DPP10: variants seen among roughly 807,000 people sequenced by gnomAD.
The protein encoded by DPP10 is inactive dipeptidyl peptidase 10.
In DPP10, 33 loss-of-function variants were observed where a neutral mutation model predicts 120.9. That is an observed-to-expected ratio of 0.27 (90% CI 0.21 to 0.37). The LOEUF (loss-of-function observed/expected upper bound fraction) is 0.37. DPP10 is among the 10% of genes least tolerant of loss of function. The pLI is 1.00. For missense variants in DPP10, 816 were observed against 942.8 expected, an observed-to-expected ratio of 0.87 and a Z score of 1.76; for synonymous variants, 337 against 326.1, an observed-to-expected ratio of 1.03 and a Z score of -0.36.
chr2:115,323,676 G>A, intron 2 of DPP10, among the ~76,000 whole-genome samples: 1 of 152,154 alleles, frequency 6.6e-6, no homozygotes. Flanking sequence ...CTGCAGAATG[G>A]ATGTTGTGTT....
intron 5 of DPP10, among the ~76,000 whole-genome samples, chr2:115,600,090 G>A (rs1285323926): frequency 6.6e-6 from 1 of 151,914 alleles, no homozygotes; most frequent in African/African-American, 2.4e-5. Flanking sequence ...TTTTTGATGA[G>A]AAGTCATTTT....
At chr2:114,699,348 C>T (rs914166605) in intron 1 of DPP10, among the ~76,000 whole-genome samples, 6 of 151,920 alleles carry the variant, frequency 3.9e-5, no homozygotes, top group African/African-American at 1.4e-4. Flanking sequence ...AGCACAAGAA[C>T]ATATTTTGAT....
chr2:115,731,407 T>C (rs1020544447), intron 8 of DPP10, among the ~76,000 whole-genome samples: 2 of 150,686 alleles, frequency 1.3e-5, no homozygotes, highest in South Asian at 4.2e-4. Context: ...CATACCTGTG[T>C]TCCCCCCTAC....
chr2:115,369,490 C>T (rs1559494402), intron 3 of DPP10, among the ~76,000 whole-genome samples: 2 of 152,096 alleles, frequency 1.3e-5, no homozygotes, highest in South Asian at 2.1e-4. Context: ...TGTGCCACAC[C>T]TATATTCAGT....
chr2:114,686,069 G>A (rs554068650), intron 1 of DPP10, among the ~76,000 whole-genome samples: 1 of 151,908 alleles, frequency 6.6e-6, no homozygotes, highest in African/African-American at 2.4e-5. Context: ...CTTCTGACCT[G>A]GAACACATGC....
intron 1 of DPP10, among the ~76,000 whole-genome samples, chr2:114,816,495 A>G (rs1057145364): frequency 4.6e-5 from 7 of 152,152 alleles, no homozygotes; most frequent in Admixed American, 6.5e-5. Flanking sequence ...GATCATTTTA[A>G]TCTCAGATCA....
intron 3 of DPP10, among the ~76,000 whole-genome samples, chr2:115,452,992 ATTATTTATTT>A (rs1474824819): frequency 2.4e-4 from 36 of 151,786 alleles, no homozygotes; most frequent in African/African-American, 8.2e-4. Flanking sequence ...ATGAGCTTGG[ATTATTTATTT>A]TAAAATCCAT....
chr2:115,437,044 G>A (rs923577174), intron 3 of DPP10, among the ~76,000 whole-genome samples: 3 of 151,914 alleles, frequency 2.0e-5, no homozygotes, highest in Admixed American at 6.6e-5. Flanking sequence ...ACTATGTGAC[G>A]TTAAATCAGT....
chr2:115,513,091 T>A (rs577384491), intron 4 of DPP10, among the ~76,000 whole-genome samples: 1 of 152,164 alleles, frequency 6.6e-6, no homozygotes, highest in East Asian at 1.9e-4. Context: ...TATAATTGTT[T>A]TATTTTTCTG....
At chr2:115,392,910 C>G (rs2067418499) in intron 3 of DPP10, among the ~76,000 whole-genome samples, 1 of 151,978 alleles carries the variant, frequency 6.6e-6, no homozygotes, top group African/African-American at 2.4e-5. Context: ...TCAAAATAGT[C>G]ATATTATTTT....
intron 21 of DPP10, among the ~76,000 whole-genome samples, chr2:115,824,287 C>T (rs1054325141): frequency 2.6e-5 from 4 of 152,142 alleles, no homozygotes; most frequent in Non-Finnish European, 5.9e-5. Context: ...CTGTGAGGCA[C>T]GTTCTTTTTT....
In DPP10 at chr2:114,745,378, C is replaced by T. The variant is rs551224043; in HGVS notation, c.60+302540C>T. On this transcript the variant is annotated intron_variant, in intron 1 of 25. Coordinates refer to ENST00000410059, the MANE Select transcript of DPP10 (RefSeq NM_020868.6). ...GATTTTGTTTATTTAATCTATCAAA[C>T]ATATGCAATGATAGATTTTGTTGTA... Among the ~76,000 whole-genome samples, 9 of 152,214 alleles carry T rather than the reference C, an allele frequency of 5.9e-5. No individual in the cohort carries two copies. The South Asian group carries it at 1.9e-3, about 32-fold the overall frequency.
chr2:115,118,746 ATTGT>A (rs1225724776), intron 1 of DPP10, among the ~76,000 whole-genome samples: 2 of 107,904 alleles, frequency 1.9e-5, no homozygotes, highest in African/African-American at 4.3e-5. Flanking sequence ...CACACAGCTA[ATTGT>A]GTGTGTGTGT....
At chr2:114,632,125 C>CT (rs1694970186) in intron 1 of DPP10, among the ~76,000 whole-genome samples, 1 of 152,020 alleles carries the variant, frequency 6.6e-6, no homozygotes, top group Admixed American at 6.6e-5. Flanking sequence ...TTTTCTCTGT[C>CT]TTTTTTGCAA....
At chr2:114,582,351 T>A (rs1392209642) in intron 1 of DPP10, among the ~76,000 whole-genome samples, 2 of 152,244 alleles carry the variant, frequency 1.3e-5, no homozygotes, top group Non-Finnish European at 2.9e-5. Flanking sequence ...CTGAAGGATA[T>A]GTTGGTTGCT....
At chr2:115,808,939 A>G (rs1686326888) in intron 19 of DPP10, among the ~76,000 whole-genome samples, 1 of 152,214 alleles carries the variant, frequency 6.6e-6, no homozygotes, top group South Asian at 2.1e-4. Context: ...CCTTGATCGA[A>G]TCAACTGCTT....
intron 1 of DPP10, among the ~76,000 whole-genome samples, chr2:115,109,334 G>A (rs1206309837): frequency 2.6e-5 from 4 of 152,000 alleles, no homozygotes; most frequent in African/African-American, 4.8e-5. Context: ...TCAGGAGATC[G>A]AGACCATCCT....
At chr2:115,645,029 T>G (rs2087117197) in intron 5 of DPP10, among the ~76,000 whole-genome samples, 1 of 152,186 alleles carries the variant, frequency 6.6e-6, no homozygotes, top group Non-Finnish European at 1.5e-5. Flanking sequence ...GTGAACTGTA[T>G]AGGAACTTGC....
chr2:115,088,189 T>C (rs1708885777), intron 1 of DPP10, among the ~76,000 whole-genome samples: 1 of 152,150 alleles, frequency 6.6e-6, no homozygotes, highest in South Asian at 2.1e-4. Flanking sequence ...AATCACCTCC[T>C]AAAGGCCTTG....
Sources: gnomAD v4.1 joint callset for allele counts (sites outside exome capture counted in the v4.1 genomes callset) on GRCh38, gnomAD v4.1.1 for gene constraint, MANE v1.5 for transcripts, NCBI Gene and HGNC (gene_info 2026-07-23, HGNC 2026-07-21) for gene names.